The following SGCD variants were observed in gnomAD, a reference collection of about 807,000 sequenced individuals.
SGCD encodes sarcoglycan delta.
A neutral mutation model predicts 36.6 loss-of-function variants in SGCD; 18 were observed. The observed-to-expected ratio is 0.49, with a 90% CI of 0.34 to 0.73. The LOEUF (loss-of-function observed/expected upper bound fraction) is 0.73, where lower values mean the gene tolerates loss of function less well. Among genes scored for constraint, SGCD ranks in the 30% least tolerant of loss-of-function variants. The probability of loss-of-function intolerance (pLI) is 0.01; values close to 1 mark genes in which losing one functional copy is unlikely to be tolerated. For missense variants in SGCD, 387 were observed against 346.7 expected, an observed-to-expected ratio of 1.12 and a Z score of -0.92; for synonymous variants, 133 against 130.6, an observed-to-expected ratio of 1.02 and a Z score of -0.12.
At chr5:155,752,489 G>A in the SGCD span, among the ~76,000 whole-genome samples, 5 of 152,100 alleles carry the variant, frequency 3.3e-5, no homozygotes, top group African/African-American at 1.2e-4. Context: ...GCTCAGAGAT[G>A]TTTATTCTGT....
chr5:156,216,064 G>T (rs998273928), intron 3 of SGCD, among the ~76,000 whole-genome samples: 7 of 152,146 alleles, frequency 4.6e-5, no homozygotes, highest in African/African-American at 1.7e-4. Flanking sequence ...TATGTAAAGT[G>T]CAGTAAGCCA....
At chr5:156,391,688 A>G (rs1771578026) in intron 3 of SGCD, among the ~76,000 whole-genome samples, 1 of 152,210 alleles carries the variant, frequency 6.6e-6, no homozygotes. Context: ...ACACTTGAGC[A>G]TCTGTGGATT....
intron 1 of SGCD, among the ~76,000 whole-genome samples, chr5:156,001,368 A>G (rs1758660756): frequency 6.6e-6 from 1 of 152,234 alleles, no homozygotes; most frequent in South Asian, 2.1e-4. Context: ...GGAACTGGCA[A>G]AATTTCAAAA....
intron 3 of SGCD, among the ~76,000 whole-genome samples, chr5:156,286,374 C>T (rs1157326272): frequency 1.3e-5 from 2 of 152,150 alleles, no homozygotes; most frequent in African/African-American, 4.8e-5. Context: ...CACATGCACA[C>T]ATATGTTTAT....
intron 6 of SGCD, among the ~76,000 whole-genome samples, chr5:156,608,781 C>G (rs1761619792): frequency 6.6e-6 from 1 of 152,166 alleles, no homozygotes; most frequent in East Asian, 1.9e-4. Flanking sequence ...TTGAATTGAT[C>G]CCTTTACCAT....
chr5:155,921,302 G>A (rs1274308151), intron 1 of SGCD, among the ~76,000 whole-genome samples: 1 of 152,108 alleles, frequency 6.6e-6, no homozygotes, highest in Non-Finnish European at 1.5e-5. Flanking sequence ...ACCAGATTTT[G>A]TTAGGTGAAG....
chr5:156,314,064 T>C (rs1260507306), intron 3 of SGCD, among the ~76,000 whole-genome samples: 1 of 152,022 alleles, frequency 6.6e-6, no homozygotes, highest in Admixed American at 6.6e-5. Flanking sequence ...AGATGGTTCA[T>C]GATCCCTATA....
At chr5:156,456,501 G>A (rs1303402225) in intron 3 of SGCD, among the ~76,000 whole-genome samples, 1 of 152,164 alleles carries the variant, frequency 6.6e-6, no homozygotes, top group Non-Finnish European at 1.5e-5. Flanking sequence ...TGGGAGGAAA[G>A]TAAAACTTGT....
the SGCD span, among the ~76,000 whole-genome samples, chr5:155,832,365 A>T: frequency 1.3e-5 from 2 of 152,164 alleles, no homozygotes; most frequent in Non-Finnish European, 2.9e-5. Flanking sequence ...TCTAACATTT[A>T]TGATCTAACA....
In SGCD at chr5:156,628,481, C is replaced by G. The variant is rs112375809; in HGVS notation, c.503-18983C>G. 2.6e-5 allele frequency among the ~76,000 whole-genome samples: 4 copies of G among 152,176 alleles called. No individual in the cohort carries two copies. In the East Asian group the frequency reaches 5.8e-4, roughly 22 times the overall value. On this transcript the variant is annotated intron_variant, in intron 6 of 8. Transcript: ENST00000337851. ...GAATGTTTCTTAATGTACAGGAGTCCAAATATTTATCTTCCATTACTAAGT... is the reference window on the plus strand; with the variant it reads ...GAATGTTTCTTAATGTACAGGAGTCGAAATATTTATCTTCCATTACTAAGT...
intron 3 of SGCD, among the ~76,000 whole-genome samples, chr5:156,138,983 T>G (rs976045113): frequency 6.6e-6 from 1 of 152,244 alleles, no homozygotes; most frequent in African/African-American, 2.4e-5. Context: ...ATATCTGTTG[T>G]GAAAAGTCTA....
At chr5:156,406,204 A>G (rs1339566903) in intron 3 of SGCD, among the ~76,000 whole-genome samples, 1 of 152,046 alleles carries the variant, frequency 6.6e-6, no homozygotes, top group Admixed American at 6.5e-5. Flanking sequence ...GACTGCACGA[A>G]AAAGATTGTT....
chr5:156,540,302 C>T (rs1370635499), intron 4 of SGCD, among the ~76,000 whole-genome samples: 4 of 152,000 alleles, frequency 2.6e-5, no homozygotes, highest in African/African-American at 4.8e-5. Context: ...TATTATTTGT[C>T]ACTTATTTTT....
intron 3 of SGCD, among the ~76,000 whole-genome samples, chr5:156,145,067 T>C (rs967923529): frequency 1.3e-5 from 2 of 152,196 alleles, no homozygotes; most frequent in Non-Finnish European, 2.9e-5. Context: ...CACCCAAATC[T>C]CATGTGGAAT....
At chr5:156,348,915 T>C (rs964735397) in intron 3 of SGCD, among the ~76,000 whole-genome samples, 1 of 152,036 alleles carries the variant, frequency 6.6e-6, no homozygotes, top group African/African-American at 2.4e-5. Flanking sequence ...CATTGACCAA[T>C]GGAACCGAAG....
intron 7 of SGCD, among the ~76,000 whole-genome samples, chr5:156,702,998 T>A (rs1316039570): frequency 2.0e-5 from 3 of 152,220 alleles, no homozygotes; most frequent in Non-Finnish European, 4.4e-5. Flanking sequence ...GTTCTGCTCC[T>A]ATAATATAAG....
At chr5:156,577,493 A>C (rs1760017640) in intron 4 of SGCD, among the ~76,000 whole-genome samples, 1 of 152,242 alleles carries the variant, frequency 6.6e-6, no homozygotes, top group Non-Finnish European at 1.5e-5. Context: ...TTGAATCTAT[A>C]AACTACCTTG....
chr5:156,283,587 A>G (rs992826037), intron 3 of SGCD, among the ~76,000 whole-genome samples: 1 of 152,174 alleles, frequency 6.6e-6, no homozygotes, highest in African/African-American at 2.4e-5. Context: ...ATTAGGGAGC[A>G]TTGCCCAGTG....
At chr5:156,704,956 A>G (rs142101716) in intron 7 of SGCD, among the ~76,000 whole-genome samples, 221 of 151,922 alleles carry the variant, frequency 1.5e-3, no homozygotes, top group African/African-American at 4.7e-3. Flanking sequence ...CTACCCAACT[A>G]TTTTTTTCCC....
Sources: gnomAD v4.1 joint callset for allele counts (sites outside exome capture counted in the v4.1 genomes callset) on GRCh38, gnomAD v4.1.1 for gene constraint, MANE v1.5 for transcripts, NCBI Gene and HGNC (gene_info 2026-07-23, HGNC 2026-07-21) for gene names.